The following CACHD1 variants were observed in gnomAD, a reference collection of about 807,000 sequenced individuals.
The protein encoded by CACHD1 is cache domain containing 1.
In CACHD1, 71 loss-of-function variants were observed where a neutral mutation model predicts 138.7. The ratio of observed to expected loss-of-function variants is 0.51; its 90% CI spans 0.42 to 0.62. The LOEUF is 0.62. Ranked by LOEUF, CACHD1 falls within the 20% of genes least tolerant of loss-of-function variation. CACHD1 has a pLI of 0.00. For synonymous variants in CACHD1, 578 were observed against 591.5 expected, an observed-to-expected ratio of 0.98 and a Z score of 0.33; for missense variants, 1,389 against 1,625.3, an observed-to-expected ratio of 0.85 and a Z score of 2.50.
rs541275810 is a variant in CACHD1, at chr1:64,654,863, G to A, written c.1782+60G>A. On this transcript the variant is annotated intron_variant, in intron 12 of 26. Transcript: ENST00000651257. ...TACAGGGTACAGTGCTCTTCTTCAT[G>A]TTGGAATTCTCAGCCAGGGGGTGGC... The A allele has an allele frequency of 3.9e-6, 5 of 1,285,972 alleles. No homozygotes were observed. The East Asian group carries it at 7.0e-5, about 18-fold the overall frequency. The allele number at this position is 1,285,972 out of a possible 1,614,324, so 79.7% of individuals were successfully genotyped here.
intron 13 of CACHD1, among the ~76,000 whole-genome samples, chr1:64,660,783 G>A (rs1357637063): frequency 6.6e-6 from 1 of 152,100 alleles, no homozygotes; most frequent in Non-Finnish European, 1.5e-5. Context: ...TCCCGCCTTG[G>A]CCTCCCAAAG....
intron 1 of CACHD1, among the ~76,000 whole-genome samples, chr1:64,539,089 C>G (rs987357897): frequency 2.8e-4 from 42 of 152,100 alleles, no homozygotes; most frequent in Non-Finnish European, 5.9e-4. Context: ...AAGCATCATA[C>G]TAGAAGATGA....
intron 12 of CACHD1, among the ~76,000 whole-genome samples, chr1:64,656,450 T>C (rs553104696): frequency 1.8e-3 from 278 of 152,260 alleles, no homozygotes; most frequent in African/African-American, 6.2e-3. Context: ...GAAAACAGAC[T>C]TTTGTGTTTG....
chr1:64,538,612 T>C (rs547331712), intron 1 of CACHD1, among the ~76,000 whole-genome samples: 4 of 152,364 alleles, frequency 2.6e-5, no homozygotes, highest in Admixed American at 6.5e-5. Flanking sequence ...ACTGTAGAGC[T>C]AGTTCGCACA....
At chr1:64,539,206 A>G (rs1025230636) in intron 1 of CACHD1, among the ~76,000 whole-genome samples, 1 of 152,196 alleles carries the variant, frequency 6.6e-6, no homozygotes, top group African/African-American at 2.4e-5. Context: ...ACAGTTTAGG[A>G]AAGTGGGTGC....
At chr1:64,585,841 A>T (rs1647047120) in intron 3 of CACHD1, among the ~76,000 whole-genome samples, 2 of 152,202 alleles carry the variant, frequency 1.3e-5, no homozygotes, top group South Asian at 4.1e-4. Flanking sequence ...CCCTGAGCTG[A>T]TACTTTTCTA....
intron 2 of CACHD1, among the ~76,000 whole-genome samples, chr1:64,571,435 A>G (rs1187814248): frequency 6.6e-6 from 1 of 152,216 alleles, no homozygotes; most frequent in African/African-American, 2.4e-5. Flanking sequence ...ATTTCATTCA[A>G]AAGGCATGCT....
Position 64,664,607 on chromosome 1 carries a change from C to G in CACHD1, c.2204C>G (p.Thr735Arg). The stretch of plus-strand genomic sequence containing the variant: ...TACATTGTCCGCCGTTACATAGCAA[C>G]ACCCAATGGCGTCCTCAGAATTTAT... ...NTYIVRRYIATPNGVLRIYPG... is the reference protein window; with the variant it reads ...NTYIVRRYIARPNGVLRIYPG... The change falls in exon 15 of 27, where the codon ACA becomes AGA. Residue 735 changes from threonine to arginine, a missense_variant. Physicochemically the swap from Thr to Arg is moderately conservative, Grantham distance 71. Coordinates refer to ENST00000651257, the MANE Select transcript of CACHD1 (RefSeq NM_020925.4). 1 of 1,614,186 alleles carries G rather than the reference C, an allele frequency of 6.2e-7. No individual in the cohort carries two copies. Among genetic ancestry groups the G allele is most frequent in the Non-Finnish European group, 8.5e-7 (1 of 1,180,026 alleles).
intron 4 of CACHD1, among the ~76,000 whole-genome samples, chr1:64,617,595 A>G (rs1186782502): frequency 6.6e-6 from 1 of 152,204 alleles, no homozygotes; most frequent in Non-Finnish European, 1.5e-5. Flanking sequence ...ACAAGGAGAT[A>G]GGAAAGGATT....
chr1:64,583,972 A>G (rs1204465394), intron 3 of CACHD1, among the ~76,000 whole-genome samples: 1 of 152,208 alleles, frequency 6.6e-6, no homozygotes, highest in Non-Finnish European at 1.5e-5. Flanking sequence ...CATATTAGGT[A>G]TAATCAAAGA....
chr1:64,588,098 C>T (rs933627821), intron 3 of CACHD1, among the ~76,000 whole-genome samples: 1 of 152,108 alleles, frequency 6.6e-6, no homozygotes, highest in African/African-American at 2.4e-5. Context: ...TATACCCAAC[C>T]TATTTTCCTG....
chr1:64,494,849 C>T (rs1646297548), intron 1 of CACHD1, among the ~76,000 whole-genome samples: 1 of 152,146 alleles, frequency 6.6e-6, no homozygotes, highest in Admixed American at 6.5e-5. Flanking sequence ...AGAGAAATGA[C>T]TTATCTAAGA....
chr1:64,503,689 A>G (rs796356591), intron 1 of CACHD1, among the ~76,000 whole-genome samples: 1 of 152,228 alleles, frequency 6.6e-6, no homozygotes, highest in African/African-American at 2.4e-5. Flanking sequence ...GATCCCCCCC[A>G]TACATACATA....
chr1:64,646,573 CA>C (rs111831024), intron 8 of CACHD1, among the ~76,000 whole-genome samples: 13 of 146,548 alleles, frequency 8.9e-5, no homozygotes, highest in South Asian at 4.3e-4. Flanking sequence ...ACCAAAAATA[CA>C]AAAAAAAAAT....
intron 3 of CACHD1, among the ~76,000 whole-genome samples, chr1:64,597,546 T>G (rs965845888): frequency 5.3e-5 from 8 of 149,542 alleles, no homozygotes; most frequent in South Asian, 2.1e-4. Flanking sequence ...TTTTTTTTTT[T>G]TTTTAACTTA....
intron 13 of CACHD1, 141 bp from the exon 14 acceptor site, chr1:64,663,550 GAAAA>G (rs11289872): frequency 1.5e-4 from 118 of 796,898 alleles, no homozygotes; most frequent in East Asian, 2.4e-4. Flanking sequence ...GACTCCATCT[GAAAA>G]AAAAAAAAAA....
At chr1:64,631,068 A>AT (rs1425636313) in intron 5 of CACHD1, among the ~76,000 whole-genome samples, 3 of 152,240 alleles carry the variant, frequency 2.0e-5, no homozygotes, top group African/African-American at 7.2e-5. Context: ...GAAGTGGTAG[A>AT]TACCAGTCAT....
intron 4 of CACHD1, among the ~76,000 whole-genome samples, chr1:64,625,875 G>C (rs1238717633): frequency 6.6e-6 from 1 of 152,198 alleles, no homozygotes; most frequent in African/African-American, 2.4e-5. Flanking sequence ...GGTTTGTTGA[G>C]GTGAGAATTA....
At chr1:64,499,141 C>A (rs1403582319) in intron 1 of CACHD1, among the ~76,000 whole-genome samples, 1 of 152,146 alleles carries the variant, frequency 6.6e-6, no homozygotes, top group Non-Finnish European at 1.5e-5. Flanking sequence ...AGCCTCTGGA[C>A]ACGGTGTTTT....
Sources: allele counts gnomAD v4.1 joint callset (sites outside exome capture counted in the v4.1 genomes callset), GRCh38; gene constraint gnomAD v4.1.1; transcripts MANE v1.5; gene names NCBI Gene and HGNC (gene_info 2026-07-23, HGNC 2026-07-21).